Variants in LMOD1 observed in about 807,000 individuals in gnomAD.
LMOD1 encodes leiomodin-1.
Under a neutral mutation model 36.5 loss-of-function variants are expected in LMOD1, and 8 were observed. The observed-to-expected ratio is 0.22, with a 90% CI of 0.13 to 0.40. The LOEUF is 0.40. LMOD1 is among the 10% of genes least tolerant of loss of function. The pLI, the probability that LMOD1 is intolerant of heterozygous loss-of-function variation, is 1.00. For synonymous variants in LMOD1, 284 were observed against 288.7 expected, an observed-to-expected ratio of 0.98 and a Z score of 0.17; for missense variants, 630 against 751.1, an observed-to-expected ratio of 0.84 and a Z score of 1.88.
chr1:201,918,565 AC>A (rs1042059409), intron 1 of LMOD1, among the ~76,000 whole-genome samples: 3 of 151,794 alleles, frequency 2.0e-5, no homozygotes, highest in South Asian at 4.2e-4. Context: ...TTGCTGCCCT[AC>A]CCCATGCTGG....
At chr1:201,937,590 C>T (rs1323234484) in intron 1 of LMOD1, among the ~76,000 whole-genome samples, 1 of 152,092 alleles carries the variant, frequency 6.6e-6, no homozygotes, top group Non-Finnish European at 1.5e-5. Context: ...ATGGTGAAAC[C>T]CCATCTCTAC....
intron 1 of LMOD1, among the ~76,000 whole-genome samples, chr1:201,902,822 C>G (rs1042519761): frequency 1.3e-5 from 2 of 152,088 alleles, no homozygotes; most frequent in Non-Finnish European, 2.9e-5. Flanking sequence ...AAGGTTGCAC[C>G]GAGCCTGAGC....
In LMOD1 at chr1:201,939,570, G is replaced by A. The variant is rs569142176; in HGVS notation, c.261+6510C>T. ...AAGCCATTGGGAGAACTGATGAACCGAATGGAGACCACTGCTCTTTTGCTG... is the reference window on the plus strand; with the variant it reads ...AAGCCATTGGGAGAACTGATGAACCAAATGGAGACCACTGCTCTTTTGCTG... On this transcript the variant is annotated intron_variant, in intron 1 of 2. Transcript: ENST00000367288. Among the ~76,000 whole-genome samples the A allele has an allele frequency of 5.9e-5, 9 of 152,290 alleles. No homozygotes were observed. In the East Asian group the frequency reaches 7.7e-4, roughly 13 times the overall value.
At chr1:201,923,071 C>T (rs988709114) in intron 1 of LMOD1, among the ~76,000 whole-genome samples, 23 of 152,162 alleles carry the variant, frequency 1.5e-4, no homozygotes, top group African/African-American at 4.8e-4. Flanking sequence ...GTGATCCACC[C>T]GTCTCGGCCT....
rs1283549581 is a variant in LMOD1, at chr1:201,941,843, T to C, written c.261+4237A>G. Among the ~76,000 whole-genome samples, 4 of 152,202 alleles carry C rather than the reference T, an allele frequency of 2.6e-5. No homozygotes were observed. In the East Asian group the frequency reaches 7.7e-4, roughly 29 times the overall value. ...CCCACCAGCTCAGCTGCCCTGACCCTGGCTGGGTACAGGCGCTAATCCCCA... is the reference window on the plus strand; with the variant it reads ...CCCACCAGCTCAGCTGCCCTGACCCCGGCTGGGTACAGGCGCTAATCCCCA... On this transcript the variant is annotated intron_variant, in intron 1 of 2. Coordinates refer to ENST00000367288, the MANE Select transcript of LMOD1 (RefSeq NM_012134.3).
chr1:201,936,956 C>T (rs533934475), intron 1 of LMOD1, among the ~76,000 whole-genome samples: 1 of 152,044 alleles, frequency 6.6e-6, no homozygotes, highest in Admixed American at 6.6e-5. Flanking sequence ...AAAGAATCTG[C>T]TCAAATGTCA....
intron 1 of LMOD1, among the ~76,000 whole-genome samples, chr1:201,928,672 C>T (rs1681868271): frequency 6.6e-6 from 1 of 152,178 alleles, no homozygotes; most frequent in Admixed American, 6.5e-5. Context: ...ATGATGGGAG[C>T]TAAAGGCCTT....
intron 1 of LMOD1, among the ~76,000 whole-genome samples, chr1:201,910,263 T>C (rs1681472463): frequency 7.0e-6 from 1 of 142,160 alleles, no homozygotes; most frequent in Non-Finnish European, 1.5e-5. Flanking sequence ...TTCCCACTGT[T>C]TCCTATACGC....
intron 1 of LMOD1, among the ~76,000 whole-genome samples, chr1:201,942,292 A>G (rs1417957619): frequency 6.6e-6 from 1 of 152,146 alleles, no homozygotes; most frequent in African/African-American, 2.4e-5. Flanking sequence ...AAGAAAACAG[A>G]TGATTATACA....
intron 1 of LMOD1, among the ~76,000 whole-genome samples, chr1:201,903,109 G>A (rs918001900): frequency 1.3e-5 from 2 of 152,174 alleles, no homozygotes; most frequent in Non-Finnish European, 2.9e-5. Context: ...TCGCACTCTC[G>A]GGCCCAAGTA....
intron 1 of LMOD1, among the ~76,000 whole-genome samples, chr1:201,912,570 T>C (rs1681510675): frequency 6.6e-6 from 1 of 152,046 alleles, no homozygotes; most frequent in African/African-American, 2.4e-5. Flanking sequence ...AATAAGAAAA[T>C]GGTGTCAGCC....
intron 1 of LMOD1, among the ~76,000 whole-genome samples, chr1:201,940,239 T>A (rs986554311): frequency 2.8e-5 from 4 of 143,402 alleles, no homozygotes; most frequent in Non-Finnish European, 4.5e-5. Flanking sequence ...CAGGCTGGAG[T>A]ACAGCGGCAC....
chr1:201,945,959 G>A, intron 1 of LMOD1, 121 bp downstream of exon 1: 1 of 977,730 alleles, frequency 1.0e-6, no homozygotes, highest in Non-Finnish European at 1.6e-6. Context: ...CAGTTCTGAA[G>A]CATTAAAATC....
At chr1:201,917,718 A>C (rs1681635085) in intron 1 of LMOD1, among the ~76,000 whole-genome samples, 1 of 152,142 alleles carries the variant, frequency 6.6e-6, no homozygotes, top group Non-Finnish European at 1.5e-5. Flanking sequence ...TCCCAGCACC[A>C]AGGAAAACCC....
At chr1:201,923,614 G>T (rs1428156686) in intron 1 of LMOD1, among the ~76,000 whole-genome samples, 2 of 152,082 alleles carry the variant, frequency 1.3e-5, no homozygotes, top group African/African-American at 2.4e-5. Context: ...TGTAATCCCA[G>T]CACTTTGAGA....
Position 201,911,609 on chromosome 1 carries a change from G to A in LMOD1, c.262-10858C>T, listed in dbSNP as rs1045440071. On this transcript the variant is annotated intron_variant, in intron 1 of 2. Coordinates refer to ENST00000367288, the MANE Select transcript of LMOD1 (RefSeq NM_012134.3). ...GAACCCGGGAGGTGAAGGTTGCAGT[G>A]AGCCAAGATCATGCCACTGCACTCT... is the stretch of plus-strand genomic sequence containing the variant. 2.0e-5 allele frequency among the ~76,000 whole-genome samples: 3 copies of A among 152,286 alleles called. No individual in the cohort carries two copies. In the East Asian group the frequency reaches 5.8e-4, roughly 29 times the overall value.
rs145228226 is a variant in LMOD1, at chr1:201,946,345, G to A, written c.-5C>T. On this transcript the variant is annotated 5_prime_UTR_variant, in exon 1 of 3. Transcript: ENST00000367288. The stretch of plus-strand genomic sequence containing the variant: ...ATATTTGGCTACTCTAGACATCTTG[G>A]CAAAATGGGCTGTGGCTGCCAGGGG... 4.3e-4 allele frequency: 697 copies of A among 1,612,452 alleles called. 2 individuals are homozygous for A. The African/African-American group carries it at 8.7e-3, about 20-fold the overall frequency.
intron 1 of LMOD1, among the ~76,000 whole-genome samples, chr1:201,924,718 AAAGAAAG>A (rs1435741958): frequency 2.3e-5 from 2 of 88,764 alleles, no homozygotes; most frequent in East Asian, 6.4e-4. Flanking sequence ...AGAAAGAAAG[AAAGAAAG>A]AAAGAAAAGA....
chr1:201,922,449 T>C (rs1681721639), intron 1 of LMOD1, among the ~76,000 whole-genome samples: 1 of 152,106 alleles, frequency 6.6e-6, no homozygotes, highest in Non-Finnish European at 1.5e-5. Context: ...GGATGAACCT[T>C]GAAAACATAA....
Sources: allele counts gnomAD v4.1 joint callset (sites outside exome capture counted in the v4.1 genomes callset), GRCh38; gene constraint gnomAD v4.1.1; transcripts MANE v1.5; gene names NCBI Gene and HGNC (gene_info 2026-07-23, HGNC 2026-07-21).